DEAF1: variants seen among roughly 807,000 people sequenced by gnomAD.
The protein encoded by DEAF1 is deformed epidermal autoregulatory factor 1 homolog.
A neutral mutation model predicts 58.9 loss-of-function variants in DEAF1; 53 were observed. The observed-to-expected ratio is 0.90, with a 90% CI of 0.72 to 1.13. DEAF1 has a LOEUF of 1.13. DEAF1 is among the 50% of genes most tolerant of loss of function. DEAF1 has a pLI of 0.00. For missense variants in DEAF1, 685 were observed against 791.4 expected (o/e 0.87, Z 1.61); for synonymous variants, 385 against 340.4 (o/e 1.13, Z -1.44).
Position 694,827 on chromosome 11 carries a change from C to G in DEAF1, c.221G>C (p.Gly74Ala). 1 of 1,455,140 alleles carries G rather than the reference C, an allele frequency of 6.9e-7. No individual in the cohort carries two copies. Among genetic ancestry groups the G allele is most frequent in the African/African-American group, 1.5e-5 (1 of 68,492 alleles). The allele number at this position is 1,455,140 out of a possible 1,614,324, so 90.1% of individuals were successfully genotyped here. Residue 74 changes from glycine to alanine, a missense_variant, in exon 1 of 12, where the codon GGG becomes GCG. Physicochemically the swap from Gly to Ala is moderately conservative, Grantham distance 60. Transcript: ENST00000382409. ...TAVAVMAAEP[G>A]HMDMGAEALP... ...GGCCTCGGCGCCCATGTCCATGTGC[C>G]CGGGCTCCGCCGCCATCACCGCCAC...
Position 680,966 on chromosome 11 carries a change from T to G in DEAF1, c.994A>C (p.Thr332Pro). The change falls in exon 7 of 12, where the codon ACC (threonine) becomes CCC (proline). Residue 332 changes from threonine (T) to proline (P), a missense_variant. Thr to Pro is a conservative substitution (Grantham distance 38). Transcript: ENST00000382409. ...ITLLPATAAT[T>P]FTVTPSGQIT... ...AGCTGTGTTTTCTCAAACTCACAGG[T>G]GGTAGCCGCGGTGGCTGGAAGCAAT... 1 of 1,613,884 alleles carries G rather than the reference T, an allele frequency of 6.2e-7. No individual in the cohort carries two copies. Among genetic ancestry groups the G allele is most frequent in the Non-Finnish European group, 8.5e-7 (1 of 1,179,946 alleles).
intron 10 of DEAF1, among the ~76,000 whole-genome samples, chr11:661,874 G>A (rs1412917220): frequency 6.6e-6 from 1 of 152,180 alleles, no homozygotes; most frequent in Non-Finnish European, 1.5e-5. Flanking sequence ...CTCAAACCCT[G>A]ACTTTCCAGC....
intron 4 of DEAF1, among the ~76,000 whole-genome samples, chr11:687,269 T>C (rs1183766019): frequency 6.6e-6 from 1 of 152,172 alleles, no homozygotes; most frequent in Non-Finnish European, 1.5e-5. Context: ...GGTACCCACT[T>C]CCAGAGCCTT....
upstream of DEAF1, chr11:695,913 A>C: frequency 8.5e-7 from 1 of 1,172,790 alleles, no homozygotes; most frequent in Non-Finnish European, 1.1e-6. Context: ...CTGTGGTGAC[A>C]ATCCGGTTTC....
chr11:647,097 G>A (rs1858531961), intron 11 of DEAF1, among the ~76,000 whole-genome samples: 1 of 152,224 alleles, frequency 6.6e-6, no homozygotes, highest in Non-Finnish European at 1.5e-5. Context: ...GATCAAGGCT[G>A]TAGTGAGCCG....
chr11:685,564 G>A (rs952651758), intron 5 of DEAF1, among the ~76,000 whole-genome samples: 2 of 152,042 alleles, frequency 1.3e-5, no homozygotes, highest in South Asian at 2.1e-4. Flanking sequence ...GCATGGTGGC[G>A]CATGCCCATA....
rs148828206 is a variant in DEAF1, at chr11:660,058, A to G, written c.1504-6007T>C. ...CACTGTGGCTTCACCAATGCCCACC[A>G]TGGGGCAGAGGGCTCCCCATGACTG... On this transcript the variant is annotated intron_variant, in intron 10 of 11. Coordinates refer to ENST00000382409, the MANE Select transcript of DEAF1 (RefSeq NM_021008.4). 7.9e-3 allele frequency among the ~76,000 whole-genome samples: 1,206 copies of G among 152,272 alleles called. 14 individuals carry two copies. The highest frequency in any genetic ancestry group is 0.028 in the African/African-American group (1,146 of 41,560).
chr11:700,809 A>AT, intron 1 of DEAF1: 1 of 1,116,434 alleles, frequency 9.0e-7, no homozygotes. Flanking sequence ...TCTCAGAGAC[A>AT]TTTTTTATCC....
chr11:668,401 T>A (rs1445925737), intron 10 of DEAF1, among the ~76,000 whole-genome samples: 1 of 152,196 alleles, frequency 6.6e-6, no homozygotes, highest in Non-Finnish European at 1.5e-5. Context: ...AGTATATACA[T>A]GATCATAAAA....
At chr11:659,392 C>G (rs1358308746) in intron 10 of DEAF1, among the ~76,000 whole-genome samples, 1 of 152,072 alleles carries the variant, frequency 6.6e-6, no homozygotes, top group Non-Finnish European at 1.5e-5. Context: ...GAACATGTCT[C>G]AAATGATAAA....
At chr11:668,889 A>G (rs1859677122) in intron 10 of DEAF1, among the ~76,000 whole-genome samples, 1 of 152,070 alleles carries the variant, frequency 6.6e-6, no homozygotes, top group Non-Finnish European at 1.5e-5. Context: ...GCAGTGGTGC[A>G]ATCTCGGCTC....
Position 679,693 on chromosome 11 carries a change from GC to G in DEAF1, c.1120del (p.Ala374ProfsTer45). The G allele has an allele frequency of 6.2e-7, 1 of 1,612,092 alleles. No homozygotes were observed. On this transcript the variant is annotated frameshift_variant, in exon 8 of 12. Coordinates refer to ENST00000382409, the MANE Select transcript of DEAF1 (RefSeq NM_021008.4). LOFTEE classifies it high-confidence loss of function. ...SPAQGDVFAG[A>X]TVQEASVQPP... The stretch of plus-strand genomic sequence containing the variant: ...CAGGCACTGGAGCAGCTCACCTGTG[GC>G]CCCTGCGAAGACGTCGCCCTGGGCC...
intron 9 of DEAF1, among the ~76,000 whole-genome samples, chr11:676,083 ATC>A (rs1491428562): frequency 4.1e-5 from 1 of 24,490 alleles, no homozygotes; most frequent in Non-Finnish European, 7.0e-5. Flanking sequence ...AGCACCCGAC[ATC>A]CCCCCCAGCA....
At position 694,521 on chromosome 11, in the gene DEAF1, C is replaced by G. The variant is rs895880673; in HGVS notation, c.289+238G>C. On this transcript the variant is annotated intron_variant, in intron 1 of 11. Coordinates refer to ENST00000382409, the MANE Select transcript of DEAF1 (RefSeq NM_021008.4). ...GGGCGGGTGGGGCAGGTGTGAGAGGCAGATGTGAGGGGTGAGCTAGTCACG... is the reference window on the plus strand; with the variant it reads ...GGGCGGGTGGGGCAGGTGTGAGAGGGAGATGTGAGGGGTGAGCTAGTCACG... 25 of 325,626 alleles carry G rather than the reference C, an allele frequency of 7.7e-5. 1 individual carries two copies. In the South Asian group the frequency reaches 1.9e-3, roughly 25 times the overall value. The allele number at this position is 325,626 out of a possible 1,614,324, so 20.2% of individuals were successfully genotyped here. A position where few individuals can be genotyped will look rare whatever the true frequency, so the allele number is the denominator to read the frequency against.
chr11:671,183 C>T (rs2133354117), intron 10 of DEAF1, among the ~76,000 whole-genome samples: 1 of 151,736 alleles, frequency 6.6e-6, no homozygotes, highest in Non-Finnish European at 1.5e-5. Context: ...CCGCCTCGGC[C>T]TCCCAAAGTG....
At chr11:650,602 C>T (rs1391645776) in intron 11 of DEAF1, among the ~76,000 whole-genome samples, 1 of 152,024 alleles carries the variant, frequency 6.6e-6, no homozygotes, top group Non-Finnish European at 1.5e-5. Flanking sequence ...CTCTTGGCCT[C>T]CCAAAGTGTT....
chr11:703,549 A>C (rs1861595941), intron 1 of DEAF1: 1 of 1,233,754 alleles, frequency 8.1e-7, no homozygotes, highest in Non-Finnish European at 1.0e-6. Context: ...ATCACCCCCT[A>C]GTTCCCCAAT....
chr11:657,086 GACA>G (rs2133303202), intron 10 of DEAF1, among the ~76,000 whole-genome samples: 1 of 152,188 alleles, frequency 6.6e-6, no homozygotes, highest in East Asian at 1.9e-4. Context: ...GCCTCCACGT[GACA>G]ACATCCCAGC....
chr11:701,472 G>A (rs1444768357), intron 1 of DEAF1, among the ~76,000 whole-genome samples: 4 of 139,628 alleles, frequency 2.9e-5, no homozygotes, highest in East Asian at 2.2e-4. Flanking sequence ...GTGCAGTGGC[G>A]TGAACTTGGC....
Sources: allele counts gnomAD v4.1 joint callset (sites outside exome capture counted in the v4.1 genomes callset), GRCh38; gene constraint gnomAD v4.1.1; transcripts MANE v1.5; gene names NCBI Gene and HGNC (gene_info 2026-07-23, HGNC 2026-07-21).